OR2M4: variants seen among roughly 807,000 people sequenced by gnomAD.
OR2M4 encodes the protein olfactory receptor 2M4.
Under a neutral mutation model 13.7 loss-of-function variants are expected in OR2M4, and 8 were observed. That is an observed-to-expected ratio of 0.58 (90% CI 0.34 to 1.05). The LOEUF is 1.05. Ranked by LOEUF, OR2M4 falls within the 50% of genes least tolerant of loss-of-function variation. The probability of loss-of-function intolerance (pLI) is 0.02; values close to 1 mark genes in which losing one functional copy is unlikely to be tolerated. For synonymous variants in OR2M4, 152 were observed against 141.3 expected (o/e 1.08, Z -0.53); for missense variants, 374 against 381.6 (o/e 0.98, Z 0.17).
Position 248,244,213 on chromosome 1 carries a change from G to C in OR2M4, c.*4349G>C, listed in dbSNP as rs991730284. On this transcript the variant is annotated 3_prime_UTR_variant, in exon 2 of 2. Transcript: ENST00000641868. Reference sequence around the variant, plus strand: ...GCTATTACTGGGGATACATCCAAAAGAAAATAAATTGTTCTACCCCAAAGA... The same window carrying C: ...GCTATTACTGGGGATACATCCAAAACAAAATAAATTGTTCTACCCCAAAGA... 1 of 152,098 alleles carries C rather than the reference G, an allele frequency of 6.6e-6. No individual in the cohort carries two copies. 9.4% of individuals were successfully genotyped at this position (152,098 alleles called of 1,614,324 possible).
At chr1:248,233,559 C>A (rs916335041) in intron 1 of OR2M4, among the ~76,000 whole-genome samples, 3 of 151,878 alleles carry the variant, frequency 2.0e-5, no homozygotes, top group Admixed American at 6.6e-5. Flanking sequence ...TAAACACTCA[C>A]AATGGTAAAT....
At chr1:248,235,353 T>G (rs1412206678) in intron 1 of OR2M4, among the ~76,000 whole-genome samples, 1 of 152,164 alleles carries the variant, frequency 6.6e-6, no homozygotes, top group African/African-American at 2.4e-5. Context: ...TATTCTGTTC[T>G]GTTGGTCTAT....
intron 1 of OR2M4, among the ~76,000 whole-genome samples, chr1:248,232,315 T>C (rs1295820754): frequency 6.6e-6 from 1 of 152,126 alleles, no homozygotes; most frequent in Non-Finnish European, 1.5e-5. Context: ...TTCAGGTTGG[T>C]AAAAATCACA....
intron 1 of OR2M4, among the ~76,000 whole-genome samples, chr1:248,233,869 G>T (rs79186053): frequency 6.6e-6 from 1 of 151,984 alleles, no homozygotes; most frequent in South Asian, 2.1e-4. Flanking sequence ...AAAAAAAGGC[G>T]GGGGAGGGGC....
Position 248,243,670 on chromosome 1 carries a change from C to T in OR2M4, c.*3806C>T, listed in dbSNP as rs1277195652. 6.6e-6 allele frequency: 1 copy of T among 152,066 alleles called. No individual in the cohort carries two copies. The highest frequency in any genetic ancestry group is 1.9e-4 in the East Asian group (1 of 5,198). The allele number at this position is 152,066 out of a possible 1,614,324, so 9.4% of individuals were successfully genotyped here. On this transcript the variant is annotated 3_prime_UTR_variant, in exon 2 of 2. Transcript: ENST00000641868. ...TGGCAAATAATTTTTGGCTAATTTC[C>T]CAAAAACATTTGCAACAAAAATTGA...
intron 1 of OR2M4, among the ~76,000 whole-genome samples, chr1:248,233,236 C>G (rs939495403): frequency 6.6e-6 from 1 of 152,072 alleles, no homozygotes; most frequent in Non-Finnish European, 1.5e-5. Context: ...AAAAGGATTT[C>G]AAACTAGTTT....
In OR2M4 at chr1:248,240,029, A is replaced by C; in HGVS notation, c.*165A>C. 1 of 524,804 alleles carries C rather than the reference A, an allele frequency of 1.9e-6. No individual in the cohort carries two copies. The highest frequency in any genetic ancestry group is 3.3e-6 in the Non-Finnish European group (1 of 303,206). 32.5% of individuals were successfully genotyped at this position (524,804 alleles called of 1,614,324 possible). On this transcript the variant is annotated 3_prime_UTR_variant, in exon 2 of 2. Transcript: ENST00000641868. ...ATTATTACATATACATCGTTTGTAT[A>C]CTAAGCTAGATTTGGATGTTAGTAT...
Position 248,239,595 on chromosome 1 carries a change from C to A in OR2M4, c.667C>A (p.Arg223=), listed in dbSNP as rs143728385. ...CATACTTTCCTATTCCCATGTCCTT[C>A]GAGCCGTCATCCACATGGGCTCTGG... is the stretch of plus-strand genomic sequence containing the variant. ...VIILSYSHVL[R]AVIHMGSGES... The change falls in exon 2 of 2, where the codon CGA becomes AGA. Residue 223 remains arginine (R), a synonymous_variant. Coordinates refer to ENST00000641868, the MANE Select transcript of OR2M4 (RefSeq NM_017504.2). 1 of 1,614,060 alleles carries A rather than the reference C, an allele frequency of 6.2e-7. No homozygotes were observed. The highest frequency in any genetic ancestry group is 1.1e-5 in the South Asian group (1 of 91,082).
Position 248,244,540 on chromosome 1 carries a change from T to C in OR2M4, c.*4676T>C, listed in dbSNP as rs977574229. The stretch of plus-strand genomic sequence containing the variant: ...ACAATAGACACTGTGGACTACCAAA[T>C]GGGGAAGGAAGGGAGGGGAGTGTGG... On this transcript the variant is annotated 3_prime_UTR_variant, in exon 2 of 2. Transcript: ENST00000641868. 6.6e-6 allele frequency: 1 copy of C among 152,018 alleles called. No individual in the cohort carries two copies. Among genetic ancestry groups the C allele is most frequent in the Admixed American group, 6.6e-5 (1 of 15,256 alleles). The allele number at this position is 152,018 out of a possible 1,614,324, so 9.4% of individuals were successfully genotyped here. A position where few individuals can be genotyped will look rare whatever the true frequency, so the allele number is the denominator to read the frequency against.
At chr1:248,238,346 G>A (rs1666578564) in intron 1 of OR2M4, among the ~76,000 whole-genome samples, 1 of 152,118 alleles carries the variant, frequency 6.6e-6, no homozygotes, top group African/African-American at 2.4e-5. Flanking sequence ...AGATAGAAAA[G>A]TTAAAACATA....
rs1666620920 is a variant in OR2M4 at position 248,241,688 on chromosome 1, A to C, written c.*1824A>C. 6.6e-6 allele frequency: 1 copy of C among 152,136 alleles called. No individual in the cohort carries two copies. Among genetic ancestry groups the C allele is most frequent in the African/African-American group, 2.4e-5 (1 of 41,424 alleles). 9.4% of individuals were successfully genotyped at this position (152,136 alleles called of 1,614,324 possible). On this transcript the variant is annotated 3_prime_UTR_variant, in exon 2 of 2. Transcript: ENST00000641868. ...CAGATTATCTGAGGTTGGGAGTTCA[A>C]GGCCAGCCTGACCAACATGGAGAAA...
intron 1 of OR2M4, among the ~76,000 whole-genome samples, chr1:248,233,230 G>T (rs1666521343): frequency 1.3e-5 from 2 of 152,060 alleles, no homozygotes. Flanking sequence ...AGCAGCAAAA[G>T]GATTTCAAAC....
At position 248,244,593 on chromosome 1, in the gene OR2M4, G is replaced by C. The variant is rs1338127428; in HGVS notation, c.*4729G>C. On this transcript the variant is annotated 3_prime_UTR_variant, in exon 2 of 2. Coordinates refer to ENST00000641868, the MANE Select transcript of OR2M4 (RefSeq NM_017504.2). The stretch of plus-strand genomic sequence containing the variant: ...TGCAAAACTACCTATGGGATACTAT[G>C]CTCACAACCTGGGTGATGGGATCTA... 1 of 152,120 alleles carries C rather than the reference G, an allele frequency of 6.6e-6. No homozygotes were observed. The highest frequency in any genetic ancestry group is 6.6e-5 in the Admixed American group (1 of 15,250). 9.4% of individuals were successfully genotyped at this position (152,120 alleles called of 1,614,324 possible).
chr1:248,238,020 C>T (rs1404398000), intron 1 of OR2M4, among the ~76,000 whole-genome samples: 1 of 152,138 alleles, frequency 6.6e-6, no homozygotes, highest in African/African-American at 2.4e-5. Flanking sequence ...TGAATGTCCT[C>T]ACTACAAAAA....
chr1:248,237,685 T>C (rs1344593796), intron 1 of OR2M4, among the ~76,000 whole-genome samples: 1 of 151,932 alleles, frequency 6.6e-6, no homozygotes, highest in Non-Finnish European at 1.5e-5. Context: ...ACAAAAAAAC[T>C]CTCAATAAAC....
intron 1 of OR2M4, among the ~76,000 whole-genome samples, chr1:248,234,435 T>C (rs925771927): frequency 1.3e-5 from 2 of 152,140 alleles, no homozygotes; most frequent in Non-Finnish European, 2.9e-5. Flanking sequence ...GTATTAGTCC[T>C]GATGCTTTCT....
chr1:248,244,479 G>A lies in OR2M4; in HGVS notation c.*4615G>A, dbSNP rs1315843109. ...TGCATGTTCTCACTTATACATAGGA[G>A]CTAAACTTTGGGTACTCAAGGATGT... On this transcript the variant is annotated 3_prime_UTR_variant, in exon 2 of 2. Transcript: ENST00000641868. The A allele has an allele frequency of 6.6e-6, 1 of 152,142 alleles. No homozygotes were observed. The highest frequency in any genetic ancestry group is 2.4e-5 in the African/African-American group (1 of 41,418). The allele number at this position is 152,142 out of a possible 1,614,324, so 9.4% of individuals were successfully genotyped here.
Position 248,240,131 on chromosome 1 carries a change from A to T in OR2M4, c.*267A>T. On this transcript the variant is annotated 3_prime_UTR_variant, in exon 2 of 2. Transcript: ENST00000641868. ...GGTGGTACTTGATTTTAGGATGCTT[A>T]CTTTTGAAGCCAGGTATAAGTCCGA... is the stretch of plus-strand genomic sequence containing the variant. 3.5e-6 allele frequency: 1 copy of T among 285,342 alleles called. No homozygotes were observed. Among genetic ancestry groups the T allele is most frequent in the Admixed American group, 4.7e-5 (1 of 21,088 alleles). 17.7% of individuals were successfully genotyped at this position (285,342 alleles called of 1,614,324 possible).
Position 248,233,071 on chromosome 1 carries a change from T to C in OR2M4, c.-20+1491T>C, listed in dbSNP as rs954101322. 7.9e-5 allele frequency among the ~76,000 whole-genome samples: 12 copies of C among 152,274 alleles called. No homozygotes were observed. The South Asian group carries it at 8.3e-4, about 11-fold the overall frequency. On this transcript the variant is annotated intron_variant, in intron 1 of 1. Coordinates refer to ENST00000641868, the MANE Select transcript of OR2M4 (RefSeq NM_017504.2). ...ATTTAGTTAAGATAAAATAAAGCCA[T>C]GTTACTTTTTGTGTGTCATGAACAT...
Sources: allele counts gnomAD v4.1 joint callset (sites outside exome capture counted in the v4.1 genomes callset), GRCh38; gene constraint gnomAD v4.1.1; transcripts MANE v1.5; gene names NCBI Gene and HGNC (gene_info 2026-07-23, HGNC 2026-07-21).